CACNA2D3: variants seen among roughly 807,000 people sequenced by gnomAD.
The protein encoded by CACNA2D3 is calcium voltage-gated channel auxiliary subunit alpha2delta 3, also known as voltage-dependent calcium channel subunit alpha-2/delta-3.
In CACNA2D3, 60 loss-of-function variants were observed where a neutral mutation model predicts 160.6. The ratio of observed to expected loss-of-function variants is 0.37; its 90% CI spans 0.30 to 0.46. The LOEUF is 0.46. Ranked by LOEUF, CACNA2D3 falls within the 20% of genes least tolerant of loss-of-function variation. The probability of loss-of-function intolerance (pLI) is 1.00; values close to 1 mark genes in which losing one functional copy is unlikely to be tolerated. For synonymous variants in CACNA2D3, 558 were observed against 492.9 expected (o/e 1.13, Z -1.75); for missense variants, 1,205 against 1,365.0 (o/e 0.88, Z 1.85).
chr3:54,929,473 T>C (rs1701127444), intron 27 of CACNA2D3, among the ~76,000 whole-genome samples: 2 of 152,178 alleles, frequency 1.3e-5, no homozygotes, highest in South Asian at 4.1e-4. Flanking sequence ...GAATGGAAGT[T>C]GAAAACATCA....
At chr3:54,853,584 G>A (rs1462554520) in intron 17 of CACNA2D3, among the ~76,000 whole-genome samples, 2 of 152,124 alleles carry the variant, frequency 1.3e-5, no homozygotes, top group African/African-American at 2.4e-5. Flanking sequence ...ATTTAATGGA[G>A]ACATAGAAGC....
chr3:54,845,922 G>C (rs1216745648), intron 16 of CACNA2D3, among the ~76,000 whole-genome samples: 1 of 152,204 alleles, frequency 6.6e-6, no homozygotes, highest in Non-Finnish European at 1.5e-5. Context: ...TGACGGCCTA[G>C]GGGAGCGCCA....
At chr3:55,044,760 A>G (rs992931366) in intron 35 of CACNA2D3, among the ~76,000 whole-genome samples, 8 of 152,162 alleles carry the variant, frequency 5.3e-5, no homozygotes, top group Middle Eastern at 3.2e-3. Context: ...TTATTTCAAC[A>G]TCCTTTATCA....
intron 11 of CACNA2D3, among the ~76,000 whole-genome samples, chr3:54,655,075 T>C (rs1699854343): frequency 6.6e-6 from 1 of 152,210 alleles, no homozygotes; most frequent in Admixed American, 6.5e-5. Flanking sequence ...GCTGGACATG[T>C]TAGCTTATTG....
At chr3:54,549,753 A>G (rs1456790672) in intron 5 of CACNA2D3, among the ~76,000 whole-genome samples, 3 of 152,182 alleles carry the variant, frequency 2.0e-5, no homozygotes, top group Non-Finnish European at 4.4e-5. Context: ...TTCCTTGGCA[A>G]TTATATTTCA....
At chr3:54,864,312 C>T (rs1318238515) in intron 17 of CACNA2D3, among the ~76,000 whole-genome samples, 3 of 151,226 alleles carry the variant, frequency 2.0e-5, no homozygotes, top group Admixed American at 6.6e-5. Flanking sequence ...CTCTCTCTGT[C>T]GCCCAGGCTG....
chr3:54,415,417 T>G (rs767138674), intron 4 of CACNA2D3, among the ~76,000 whole-genome samples: 1 of 152,234 alleles, frequency 6.6e-6, no homozygotes, highest in Non-Finnish European at 1.5e-5. Context: ...TGATAGGAAT[T>G]AGAATTAATT....
At chr3:54,428,979 C>A (rs1186477586) in intron 4 of CACNA2D3, among the ~76,000 whole-genome samples, 1 of 152,134 alleles carries the variant, frequency 6.6e-6, no homozygotes, top group Admixed American at 6.6e-5. Context: ...CTGTTGTAGC[C>A]CAAGGAGGGT....
At chr3:54,994,861 A>C (rs1376720818) in intron 31 of CACNA2D3, among the ~76,000 whole-genome samples, 1 of 152,196 alleles carries the variant, frequency 6.6e-6, no homozygotes, top group Non-Finnish European at 1.5e-5. Context: ...ATAACCATTC[A>C]TGTCTTCTCC....
At chr3:54,660,809 C>G (rs1045542838) in intron 11 of CACNA2D3, among the ~76,000 whole-genome samples, 8 of 151,382 alleles carry the variant, frequency 5.3e-5, no homozygotes, top group African/African-American at 1.9e-4. Context: ...CTTTGTGCTC[C>G]CTCCCTCCCA....
At chr3:55,035,291 G>A (rs1703788786) in intron 35 of CACNA2D3, among the ~76,000 whole-genome samples, 1 of 152,166 alleles carries the variant, frequency 6.6e-6, no homozygotes, top group African/African-American at 2.4e-5. Flanking sequence ...CTAGCAGGGT[G>A]CCGAGTTAAT....
rs1241416496 is a variant in CACNA2D3 at position 54,839,548 on chromosome 3, A to T, written c.1551+900A>T. ...CACATCCACCCCCTTCTCCCCCAGC[A>T]CCAAGCTGACTGGCTAGCTGGTCTC... On this transcript the variant is annotated intron_variant, in intron 16 of 37. Coordinates refer to ENST00000474759, the MANE Select transcript of CACNA2D3 (RefSeq NM_018398.3). Among the ~76,000 whole-genome samples, 3 of 152,140 alleles carry T rather than the reference A, an allele frequency of 2.0e-5. 1 individual carries two copies. The highest frequency in any genetic ancestry group is 4.4e-5 in the Non-Finnish European group (3 of 68,030).
At chr3:55,050,758 G>C (rs1177564441) in intron 35 of CACNA2D3, among the ~76,000 whole-genome samples, 1 of 130,488 alleles carries the variant, frequency 7.7e-6, no homozygotes, top group African/African-American at 3.5e-5. Flanking sequence ...ACGTAGATTT[G>C]GTCTTTTCAC....
intron 35 of CACNA2D3, among the ~76,000 whole-genome samples, chr3:55,023,065 A>C (rs1424530742): frequency 6.6e-6 from 1 of 152,128 alleles, no homozygotes; most frequent in Admixed American, 6.6e-5. Context: ...GAGAGTGATA[A>C]ATTCTCATTC....
intron 9 of CACNA2D3, among the ~76,000 whole-genome samples, chr3:54,600,253 C>T (rs1441017311): frequency 6.6e-6 from 1 of 152,150 alleles, no homozygotes; most frequent in Non-Finnish European, 1.5e-5. Flanking sequence ...TCTGAGTTTC[C>T]CTCACTCTGG....
At chr3:54,385,416 G>A (rs199745706) in intron 3 of CACNA2D3, among the ~76,000 whole-genome samples, 5 of 152,194 alleles carry the variant, frequency 3.3e-5, no homozygotes, top group East Asian at 3.9e-4. Flanking sequence ...TGAGGACCAG[G>A]TCTCCTGGCT....
intron 17 of CACNA2D3, among the ~76,000 whole-genome samples, chr3:54,864,753 G>A (rs1253598194): frequency 6.6e-6 from 1 of 152,190 alleles, no homozygotes; most frequent in Non-Finnish European, 1.5e-5. Context: ...CTGAACCAAG[G>A]ACCTGCATTA....
At chr3:54,223,741 A>C (rs2107381197) in intron 2 of CACNA2D3, among the ~76,000 whole-genome samples, 1 of 151,332 alleles carries the variant, frequency 6.6e-6, no homozygotes, top group Middle Eastern at 3.4e-3. Flanking sequence ...AATCCCGTCT[A>C]CTCAGGAGGC....
intron 2 of CACNA2D3, among the ~76,000 whole-genome samples, chr3:54,249,662 T>TACACACAC (rs10656572): frequency 0.036 from 4,814 of 132,778 alleles, 284 homozygotes; most frequent in African/African-American, 0.12. Flanking sequence ...TCTGTTTACG[T>TACACACAC]ACACACACAC....
Sources: allele counts gnomAD v4.1 joint callset (sites outside exome capture counted in the v4.1 genomes callset), GRCh38; gene constraint gnomAD v4.1.1; transcripts MANE v1.5; gene names NCBI Gene and HGNC (gene_info 2026-07-23, HGNC 2026-07-21).